The following EHMT1 variants were observed in gnomAD, a reference collection of about 807,000 sequenced individuals.
The protein encoded by EHMT1 is histone-lysine N-methyltransferase EHMT1.
In EHMT1, 15 loss-of-function variants were observed where a neutral mutation model predicts 147.2. That is an observed-to-expected ratio of 0.10 (90% CI 0.07 to 0.16). The LOEUF is 0.16. Among genes scored for constraint, EHMT1 ranks in the 10% least tolerant of loss-of-function variants. The pLI is 1.00. For missense variants in EHMT1, 1,587 were observed against 1,772.4 expected, an observed-to-expected ratio of 0.90 and a Z score of 1.88; for synonymous variants, 795 against 709.6, an observed-to-expected ratio of 1.12 and a Z score of -1.91.
At chr9:137,626,641 G>C (rs1016418223) in intron 1 of EHMT1, among the ~76,000 whole-genome samples, 4 of 151,330 alleles carry the variant, frequency 2.6e-5, no homozygotes, top group African/African-American at 9.7e-5. Context: ...CTTTCCTTTA[G>C]TGTCTCATTG....
At chr9:137,710,798 GTTC>G (rs1588288537) in intron 1 of EHMT1, among the ~76,000 whole-genome samples, 166 bp from the exon 2 acceptor site, 2 of 152,206 alleles carry the variant, frequency 1.3e-5, no homozygotes, top group South Asian at 4.1e-4. Flanking sequence ...CTGAATGCCA[GTTC>G]TTCTGCTGGA....
At chr9:137,656,615 G>T (rs1459474749) in intron 1 of EHMT1, among the ~76,000 whole-genome samples, 4 of 152,306 alleles carry the variant, frequency 2.6e-5, no homozygotes, top group Admixed American at 6.5e-5. Flanking sequence ...TGGACTGGAG[G>T]CAGGGGCATA....
intron 18 of EHMT1, among the ~76,000 whole-genome samples, chr9:137,807,068 A>C (rs1019819639): frequency 6.6e-5 from 10 of 152,204 alleles, no homozygotes; most frequent in Non-Finnish European, 1.2e-4. Context: ...CGTAGGGTTC[A>C]TTGAGCTTCT....
chr9:137,758,969 T>TA (rs1413812177), intron 9 of EHMT1, among the ~76,000 whole-genome samples: 2 of 151,628 alleles, frequency 1.3e-5, no homozygotes, highest in Admixed American at 1.3e-4. Context: ...CTACTAAAAA[T>TA]ACAAAAAATT....
At chr9:137,682,259 C>G (rs1363526856) in intron 1 of EHMT1, among the ~76,000 whole-genome samples, 1 of 152,084 alleles carries the variant, frequency 6.6e-6, no homozygotes, top group Non-Finnish European at 1.5e-5. Context: ...AAATCGTCCT[C>G]TTTAAAGCAG....
chr9:137,668,679 G>A (rs1589176552), intron 1 of EHMT1, among the ~76,000 whole-genome samples: 1 of 151,344 alleles, frequency 6.6e-6, no homozygotes, highest in South Asian at 2.1e-4. Flanking sequence ...CTGTCGATTT[G>A]CCTGTTCTCT....
At chr9:137,690,615 G>A (rs1942853269) in intron 1 of EHMT1, among the ~76,000 whole-genome samples, 1 of 152,058 alleles carries the variant, frequency 6.6e-6, no homozygotes, top group South Asian at 2.1e-4. Flanking sequence ...TGTCGCCCAG[G>A]CTGGAGTGCA....
chr9:137,765,244 C>T (rs1950140239), intron 10 of EHMT1, among the ~76,000 whole-genome samples: 1 of 152,174 alleles, frequency 6.6e-6, no homozygotes, highest in African/African-American at 2.4e-5. Context: ...TGTTTCGTAC[C>T]TCTGAAACAA....
Position 137,783,507 on chromosome 9 carries a change from GTGTT to G in EHMT1, c.2382+1112_2382+1115del, listed in dbSNP as rs551938992. Among the ~76,000 whole-genome samples, 161 of 152,338 alleles carry G rather than the reference GTGTT, an allele frequency of 1.1e-3. 1 individual carries two copies. The highest frequency in any genetic ancestry group is 3.6e-3 in the African/African-American group (149 of 41,576). ...GGTTATTTTGAAGTTTTATGCTGCT[GTGTT>G]TTAGTTTTTCTTATCTAAAGGTTTT... On this transcript the variant is annotated intron_variant, in intron 15 of 26. Transcript: ENST00000460843.
chr9:137,682,877 C>T (rs1204557152), intron 1 of EHMT1, among the ~76,000 whole-genome samples: 1 of 152,230 alleles, frequency 6.6e-6, no homozygotes, highest in Non-Finnish European at 1.5e-5. Flanking sequence ...CACTCCAGCC[C>T]AGCTGCGAAC....
intron 1 of EHMT1, among the ~76,000 whole-genome samples, chr9:137,634,831 T>G (rs1282385478): frequency 1.3e-5 from 2 of 149,206 alleles, no homozygotes; most frequent in Admixed American, 6.7e-5. Context: ...GCTTCCCGAG[T>G]AGCTGGGACT....
chr9:137,748,243 C>A (rs559451550), intron 6 of EHMT1, among the ~76,000 whole-genome samples: 30 of 152,264 alleles, frequency 2.0e-4, no homozygotes, highest in Admixed American at 6.5e-4. Flanking sequence ...GTAGTTTGAA[C>A]ATGTCTCAGC....
intron 4 of EHMT1, among the ~76,000 whole-genome samples, chr9:137,736,890 C>CA (rs142556398): frequency 0.13 from 19,921 of 149,222 alleles, 3,005 homozygotes; most frequent in African/African-American, 0.38. Context: ...GCCTGTGTCT[C>CA]AAAAAAAAAG....
chr9:137,717,657 A>G (rs912970228), intron 3 of EHMT1, among the ~76,000 whole-genome samples: 1 of 151,010 alleles, frequency 6.6e-6, no homozygotes, highest in Admixed American at 6.6e-5. Flanking sequence ...TGCGTGAGTG[A>G]CAAAGCGGAG....
intron 1 of EHMT1, among the ~76,000 whole-genome samples, chr9:137,660,585 C>T (rs1016826807): frequency 5.9e-5 from 9 of 152,146 alleles, no homozygotes; most frequent in Admixed American, 5.9e-4. Context: ...CATAAAATTT[C>T]ATGAACAATC....
chr9:137,818,630 A>AGGGG (rs1334946196), intron 25 of EHMT1, among the ~76,000 whole-genome samples: 11 of 43,174 alleles, frequency 2.5e-4, no homozygotes, highest in East Asian at 9.8e-4. Context: ...AGGCCGACTG[A>AGGGG]GGGGCGCCGT....
chr9:137,740,113 C>T (rs1167754378), intron 4 of EHMT1, among the ~76,000 whole-genome samples: 3 of 152,188 alleles, frequency 2.0e-5, no homozygotes, highest in South Asian at 2.1e-4. Context: ...CGCCTTTCTT[C>T]CTTGTCCACA....
chr9:137,717,384 C>T, intron 3 of EHMT1: 1 of 726,938 alleles, frequency 1.4e-6, no homozygotes, highest in South Asian at 1.7e-5. Context: ...GGGTGGATTG[C>T]TTGAGCCTAG....
At chr9:137,669,800 A>G (rs954371025) in intron 1 of EHMT1, among the ~76,000 whole-genome samples, 1 of 151,924 alleles carries the variant, frequency 6.6e-6, no homozygotes, top group African/African-American at 2.4e-5. Flanking sequence ...TGATCCTCCC[A>G]TCTGGGCCTC....
Sources: allele counts gnomAD v4.1 joint callset (sites outside exome capture counted in the v4.1 genomes callset), GRCh38; gene constraint gnomAD v4.1.1; transcripts MANE v1.5; gene names NCBI Gene and HGNC (gene_info 2026-07-23, HGNC 2026-07-21).